The following SLC6A11 variants were observed in gnomAD, a reference collection of about 807,000 sequenced individuals.
SLC6A11 encodes the protein solute carrier family 6 member 11.
Under a neutral mutation model 74.8 loss-of-function variants are expected in SLC6A11, and 25 were observed. The ratio of observed to expected loss-of-function variants is 0.33; its 90% CI spans 0.24 to 0.47. SLC6A11 has a LOEUF of 0.47. Ranked by LOEUF, SLC6A11 falls within the 20% of genes least tolerant of loss-of-function variation. The pLI is 1.00. For synonymous variants in SLC6A11, 330 were observed against 330.2 expected, an observed-to-expected ratio of 1.00 and a Z score of 0.01; for missense variants, 574 against 837.0, an observed-to-expected ratio of 0.69 and a Z score of 3.88.
At chr3:10,869,278 G>A (rs1427932542) in intron 5 of SLC6A11, among the ~76,000 whole-genome samples, 1 of 152,228 alleles carries the variant, frequency 6.6e-6, no homozygotes, top group Non-Finnish European at 1.5e-5. Flanking sequence ...GCTCAGGGAG[G>A]ACGGGGCAAT....
At chr3:10,872,048 T>G (rs1694833537) in intron 5 of SLC6A11, among the ~76,000 whole-genome samples, 1 of 152,244 alleles carries the variant, frequency 6.6e-6, no homozygotes, top group Non-Finnish European at 1.5e-5. Flanking sequence ...TGGAATGACT[T>G]GACTCTTCTG....
rs762627001 is a variant in SLC6A11, at chr3:10,844,219, G to A, written c.629G>A (p.Arg210Gln). The change falls in exon 5 of 14, where the codon CGG (arginine) becomes CAG (glutamine). Residue 210 changes from arginine to glutamine, a missense_variant. Physicochemically the swap from Arg to Gln is conservative, Grantham distance 43. Coordinates refer to ENST00000254488, the MANE Select transcript of SLC6A11 (RefSeq NM_014229.3). ...CTCCACCCTCCCTTCTGCAGGCACC[G>A]GGTCCTGGCCATCTCTGACGGGATC... ...TSPVMEFWEH[R>Q]VLAISDGIEH... 110 of 1,614,076 alleles carry A rather than the reference G, an allele frequency of 6.8e-5. No homozygotes were observed. Among genetic ancestry groups the A allele is most frequent in the Non-Finnish European group, 8.7e-5 (103 of 1,180,038 alleles).
intron 13 of SLC6A11, among the ~76,000 whole-genome samples, chr3:10,936,150 C>A (rs1397452367): frequency 6.6e-6 from 1 of 152,194 alleles, no homozygotes; most frequent in Non-Finnish European, 1.5e-5. Context: ...TGTTGTGTGC[C>A]AGAAGCTGTT....
In SLC6A11 at chr3:10,875,038, C is replaced by T. The variant is rs762251164; in HGVS notation, c.834C>T (p.Ala278=). ...LLIRGVTLPG[A]SEGIKFYLYP... Reference sequence around the variant, plus strand: ...TACGAGGGGTCACGTTGCCCGGGGCCTCAGAGGGCATCAAGTTCTACTTGT... The same window carrying T: ...TACGAGGGGTCACGTTGCCCGGGGCTTCAGAGGGCATCAAGTTCTACTTGT... The change falls in exon 6 of 14, where the codon GCC becomes GCT. Residue 278 remains alanine (A), a synonymous_variant. Transcript: ENST00000254488. 1.2e-5 allele frequency: 20 copies of T among 1,613,564 alleles called. No homozygotes were observed. Among genetic ancestry groups the T allele is most frequent in the Non-Finnish European group, 1.7e-5 (20 of 1,179,784 alleles).
intron 5 of SLC6A11, among the ~76,000 whole-genome samples, chr3:10,868,430 G>T (rs986956485): frequency 6.6e-6 from 1 of 152,214 alleles, no homozygotes; most frequent in Non-Finnish European, 1.5e-5. Flanking sequence ...CCAGTATTGG[G>T]ATGTAAATGA....
intron 5 of SLC6A11, among the ~76,000 whole-genome samples, chr3:10,847,180 C>T (rs776657205): frequency 9.9e-5 from 15 of 152,096 alleles, no homozygotes; most frequent in South Asian, 4.1e-4. Context: ...AAGGACCCTC[C>T]GGTGGGAAGC....
chr3:10,870,483 G>C (rs748471123), intron 5 of SLC6A11, among the ~76,000 whole-genome samples: 10 of 152,238 alleles, frequency 6.6e-5, no homozygotes, highest in Admixed American at 3.3e-4. Context: ...TGATCTATTA[G>C]TGATGTCTGG....
At chr3:10,853,908 C>T (rs1189172706) in intron 5 of SLC6A11, among the ~76,000 whole-genome samples, 6 of 152,312 alleles carry the variant, frequency 3.9e-5, no homozygotes, top group Non-Finnish European at 4.4e-5. Flanking sequence ...GATGGTAGCA[C>T]CAGTGGGCCA....
intron 4 of SLC6A11, among the ~76,000 whole-genome samples, chr3:10,832,864 A>C (rs576204093): frequency 3.9e-5 from 6 of 152,300 alleles, no homozygotes; most frequent in Admixed American, 3.3e-4. Flanking sequence ...AAATGTAGGA[A>C]GTAGGTTTAA....
At chr3:10,846,300 A>T (rs2106587064) in intron 5 of SLC6A11, among the ~76,000 whole-genome samples, 1 of 152,352 alleles carries the variant, frequency 6.6e-6, no homozygotes, top group African/African-American at 2.4e-5. Flanking sequence ...TGCTTTGTGA[A>T]CTGTGAAGAG....
chr3:10,875,322 T>C (rs921481326), intron 6 of SLC6A11, among the ~76,000 whole-genome samples: 1 of 152,240 alleles, frequency 6.6e-6, no homozygotes, highest in Non-Finnish European at 1.5e-5. Context: ...GACATGGTAA[T>C]AGATGCACAT....
At chr3:10,841,662 C>T (rs1363804625) in intron 4 of SLC6A11, among the ~76,000 whole-genome samples, 1 of 152,230 alleles carries the variant, frequency 6.6e-6, no homozygotes, top group Non-Finnish European at 1.5e-5. Flanking sequence ...AAATTTGCAG[C>T]ATCCACATTG....
chr3:10,826,701 G>T (rs1694214571), intron 4 of SLC6A11, among the ~76,000 whole-genome samples: 1 of 152,172 alleles, frequency 6.6e-6, no homozygotes, highest in South Asian at 2.1e-4. Flanking sequence ...AGGCAGACAG[G>T]CAGGCAATAT....
At chr3:10,892,896 GTGAA>G (rs1004473506) in intron 6 of SLC6A11, among the ~76,000 whole-genome samples, 1 of 152,178 alleles carries the variant, frequency 6.6e-6, no homozygotes, top group Non-Finnish European at 1.5e-5. Context: ...AACGGGTTGG[GTGAA>G]TGTCATTCTA....
rs763269722 is a variant in SLC6A11, at chr3:10,918,278, G to T, written c.996-51G>T. The T allele has an allele frequency of 2.0e-6, 3 of 1,507,574 alleles. No homozygotes were observed. The highest frequency in any genetic ancestry group is 2.7e-6 in the Non-Finnish European group (3 of 1,129,900). The allele number at this position is 1,507,574 out of a possible 1,614,324, so 93.4% of individuals were successfully genotyped here. On this transcript the variant is annotated intron_variant, in intron 7 of 13. Coordinates refer to ENST00000254488, the MANE Select transcript of SLC6A11 (RefSeq NM_014229.3). This position sits in a 1 kb window ranked among gnomAD's most constrained non-coding sequence, Gnocchi z 4.5. ...CTCGGGTGGAGAACGTTTGAGCCGT[G>T]CACCGGTTCTGCCCGCTCTGACCCT...
intron 4 of SLC6A11, among the ~76,000 whole-genome samples, chr3:10,826,184 C>T (rs1039763204): frequency 1.3e-5 from 2 of 152,160 alleles, no homozygotes; most frequent in Admixed American, 1.3e-4. Flanking sequence ...TTTAAATTGC[C>T]TTATAGAGTA....
chr3:10,890,512 G>A (rs528781238), intron 6 of SLC6A11, among the ~76,000 whole-genome samples: 9 of 152,344 alleles, frequency 5.9e-5, no homozygotes, highest in African/African-American at 1.4e-4. Context: ...GAGATAGGCG[G>A]TGTGGTGCTG....
chr3:10,867,734 C>T (rs1055812322), intron 5 of SLC6A11, among the ~76,000 whole-genome samples: 1 of 152,200 alleles, frequency 6.6e-6, no homozygotes, highest in Non-Finnish European at 1.5e-5. Context: ...CATCCAATTA[C>T]GAAGTGAGAC....
intron 4 of SLC6A11, among the ~76,000 whole-genome samples, chr3:10,835,459 C>T (rs1198696595): frequency 6.6e-6 from 1 of 152,212 alleles, no homozygotes; most frequent in Non-Finnish European, 1.5e-5. Context: ...ACTTTGCCTC[C>T]TGACCTGCAG....
Sources: allele counts gnomAD v4.1 joint callset (sites outside exome capture counted in the v4.1 genomes callset), GRCh38; gene constraint gnomAD v4.1.1; non-coding constraint Gnocchi (gnomAD v3.1); transcripts MANE v1.5; gene names NCBI Gene and HGNC (gene_info 2026-07-23, HGNC 2026-07-21).